The following STAG2 variants were observed in gnomAD, a reference collection of about 807,000 sequenced individuals.
STAG2 encodes the protein STAG2 cohesin complex component.
STAG2 carries 14 observed loss-of-function variants against 108.1 expected under a neutral mutation model. That is an observed-to-expected ratio of 0.13 (90% CI 0.09 to 0.20). STAG2 has a LOEUF of 0.20. Ranked by LOEUF, STAG2 falls within the 10% of genes least tolerant of loss-of-function variation. The pLI, the probability that STAG2 is intolerant of heterozygous loss-of-function variation, is 1.00. For missense variants in STAG2, 440 were observed against 940.9 expected (o/e 0.47, Z 6.96); for synonymous variants, 307 against 302.7 (o/e 1.01, Z -0.15).
intron 5 of STAG2, among the ~76,000 whole-genome samples, chrX:124,035,291 TAA>T (rs1456916686): frequency 8.9e-6 from 1 of 112,122 alleles, no homozygotes; most frequent in African/African-American, 3.2e-5. Flanking sequence ...TTAAAAATTT[TAA>T]GCATATTTCA....
At chrX:123,961,651 G>T (rs1172568517), upstream of STAG2, 2 of 99,555 alleles carry the variant, frequency 2.0e-5, no homozygotes, top group African/African-American at 7.5e-5. Flanking sequence ...CCCCTCCCTC[G>T]TGCCCCCTCC....
chrX:124,091,898 T>A (rs2059259245), intron 32 of STAG2, among the ~76,000 whole-genome samples: 1 of 112,450 alleles, frequency 8.9e-6, no homozygotes, highest in East Asian at 2.8e-4. Context: ...ACTTTATAAA[T>A]CTTTCTAAAA....
chrX:124,088,515 G>A (rs1280643034), intron 30 of STAG2, among the ~76,000 whole-genome samples: 1 of 110,934 alleles, frequency 9.0e-6, no homozygotes, highest in African/African-American at 3.3e-5. Context: ...GCAAAATGTG[G>A]AGTTTATGTT....
intron 1 of STAG2, among the ~76,000 whole-genome samples, chrX:124,019,606 A>G (rs1000316123): frequency 4.5e-5 from 5 of 111,260 alleles, no homozygotes; most frequent in South Asian, 3.7e-4. Flanking sequence ...TAATTTTTCT[A>G]TCAGACCCTG....
intron 13 of STAG2, among the ~76,000 whole-genome samples, chrX:124,051,730 A>G (rs2058046878): frequency 9.1e-6 from 1 of 110,027 alleles, no homozygotes; most frequent in African/African-American, 3.3e-5. Context: ...AGCTGGGACT[A>G]CAGGCGCCCG....
intron 26 of STAG2, among the ~76,000 whole-genome samples, chrX:124,077,117 C>T (rs1427988480): frequency 1.8e-5 from 2 of 111,322 alleles, no homozygotes; most frequent in Admixed American, 9.6e-5. Flanking sequence ...TTTTTAAAGC[C>T]TTTGCTTTCA....
chrX:124,014,411 A>G (rs902696088), intron 1 of STAG2, among the ~76,000 whole-genome samples: 2 of 110,024 alleles, frequency 1.8e-5, no homozygotes, highest in African/African-American at 6.6e-5. Flanking sequence ...CCCAGGCTGG[A>G]GTGCAGTGGC....
At chrX:124,007,566 T>C (rs1236658565) in intron 1 of STAG2, among the ~76,000 whole-genome samples, 1 of 111,988 alleles carries the variant, frequency 8.9e-6, no homozygotes, top group Non-Finnish European at 1.9e-5. Flanking sequence ...AAGTTAAAAT[T>C]ATATGCAAAG....
intron 1 of STAG2, among the ~76,000 whole-genome samples, chrX:123,991,972 C>A (rs2055504152): frequency 8.8e-6 from 1 of 113,021 alleles, no homozygotes; most frequent in Non-Finnish European, 1.9e-5. Flanking sequence ...GCCACAACAA[C>A]TATTTTCATA....
intron 1 of STAG2, among the ~76,000 whole-genome samples, chrX:124,003,098 G>C (rs747561787): frequency 9.1e-6 from 1 of 109,499 alleles, no homozygotes; most frequent in Non-Finnish European, 1.9e-5. Context: ...CTCCCGAGTA[G>C]CTGGGATTAC....
chrX:124,100,527 A>G (rs1184773084), intron 34 of STAG2, 47 bp from the exon 35 acceptor site: 1 of 1,096,140 alleles, frequency 9.1e-7, no homozygotes, highest in Middle Eastern at 2.6e-4. Flanking sequence ...ATTTAAAGAA[A>G]TGAATGACTT....
intron 29 of STAG2, among the ~76,000 whole-genome samples, chrX:124,084,156 A>G (rs1300036922): frequency 1.8e-5 from 2 of 111,754 alleles, no homozygotes; most frequent in Non-Finnish European, 3.8e-5. Context: ...AAGCGTATGG[A>G]TACCTCATAT....
At chrX:124,010,664 CTT>C (rs1301718355) in intron 1 of STAG2, among the ~76,000 whole-genome samples, 1 of 111,348 alleles carries the variant, frequency 9.0e-6, no homozygotes, top group East Asian at 2.8e-4. Context: ...TACAGCAGAT[CTT>C]TGAACAATAT....
chrX:123,963,146 AG>A (rs1195109765), intron 1 of STAG2: 2 of 110,732 alleles, frequency 1.8e-5, no homozygotes, highest in Non-Finnish European at 3.8e-5. Flanking sequence ...GAGGGGAGAA[AG>A]AGTCGGGTTA....
Position 124,068,670 on chromosome X carries a change from A to T in STAG2, c.2358+14A>T, listed in dbSNP as rs762241929. ...GTTAAGGAACAGGTTAGTAATTACT[A>T]TAGATGGTAATCTTTTTGTAAGCAA... On this transcript the variant is annotated intron_variant, in intron 24 of 34. Transcript: ENST00000371145. The T allele has an allele frequency of 8.4e-6, 9 of 1,073,656 alleles. No homozygotes were observed. The highest frequency in any genetic ancestry group is 1.0e-5 in the Non-Finnish European group (8 of 793,379). 88.5% of individuals were successfully genotyped at this position (1,073,656 alleles called of 1,213,427 possible).
At chrX:123,970,859 ACT>A (rs773037203) in intron 1 of STAG2, among the ~76,000 whole-genome samples, 3 of 111,302 alleles carry the variant, frequency 2.7e-5, no homozygotes, top group East Asian at 2.8e-4. Context: ...TATCTTAGTA[ACT>A]CTATGAGGTA....
At chrX:124,009,296 G>T (rs1399791861) in intron 1 of STAG2, among the ~76,000 whole-genome samples, 1 of 109,858 alleles carries the variant, frequency 9.1e-6, no homozygotes, top group East Asian at 2.8e-4. Context: ...GATTGAGTTG[G>T]TCTGTTTGGA....
At chrX:123,983,581 A>C (rs753375101) in intron 1 of STAG2, among the ~76,000 whole-genome samples, 2 of 111,671 alleles carry the variant, frequency 1.8e-5, no homozygotes, top group African/African-American at 6.5e-5. Context: ...TGATAGTAAT[A>C]GTTATTTATA....
At chrX:124,031,939 A>G (rs2057359260) in intron 5 of STAG2, among the ~76,000 whole-genome samples, 1 of 109,794 alleles carries the variant, frequency 9.1e-6, no homozygotes, top group African/African-American at 3.3e-5. Flanking sequence ...CATGTTGGCC[A>G]GGCTGGTCTC....
Sources: allele counts gnomAD v4.1 joint callset (sites outside exome capture counted in the v4.1 genomes callset), GRCh38; gene constraint gnomAD v4.1.1; transcripts MANE v1.5; gene names NCBI Gene and HGNC (gene_info 2026-07-23, HGNC 2026-07-21).